Variants in CACNA2D2 observed in about 807,000 individuals in gnomAD.
The protein encoded by CACNA2D2 is voltage-dependent calcium channel subunit alpha-2/delta-2.
A neutral mutation model predicts 166.4 loss-of-function variants in CACNA2D2; 48 were observed. That is an observed-to-expected ratio of 0.29 (90% CI 0.23 to 0.37). The LOEUF is 0.37. Among genes scored for constraint, CACNA2D2 ranks in the 10% least tolerant of loss-of-function variants. The probability of loss-of-function intolerance (pLI) is 1.00; values close to 1 mark genes in which losing one functional copy is unlikely to be tolerated. For synonymous variants in CACNA2D2, 561 were observed against 573.7 expected (o/e 0.98, Z 0.32); for missense variants, 1,122 against 1,433.0 (o/e 0.78, Z 3.50).
intron 2 of CACNA2D2, among the ~76,000 whole-genome samples, chr3:50,442,271 C>A (rs6770669): frequency 0.086 from 13,159 of 152,158 alleles, 1,731 homozygotes; most frequent in African/African-American, 0.28. Flanking sequence ...TCCCCGCCTG[C>A]CTATGCCAGC....
At position 50,364,424 on chromosome 3, in the gene CACNA2D2, A is replaced by C; in HGVS notation, c.*242T>G. The stretch of plus-strand genomic sequence containing the variant: ...CCCACTGGGGGGAGCCCAGCAGGCA[A>C]GAAGGGTCTGGGGACACTTGAACAG... On this transcript the variant is annotated 3_prime_UTR_variant, in exon 38 of 38. Coordinates refer to ENST00000424201, the MANE Select transcript of CACNA2D2 (RefSeq NM_006030.4). 2.0e-6 allele frequency: 1 copy of C among 508,536 alleles called. No individual in the cohort carries two copies. Among genetic ancestry groups the C allele is most frequent in the Non-Finnish European group, 3.4e-6 (1 of 294,278 alleles). The allele number at this position is 508,536 out of a possible 1,614,324, so 31.5% of individuals were successfully genotyped here. A position where few individuals can be genotyped will look rare whatever the true frequency, so the allele number is the denominator to read the frequency against.
intron 1 of CACNA2D2, among the ~76,000 whole-genome samples, chr3:50,500,344 G>A (rs911167213): frequency 6.6e-6 from 1 of 152,164 alleles, no homozygotes; most frequent in Non-Finnish European, 1.5e-5. Context: ...GCTCAGCCGG[G>A]TGCTCCACCC....
chr3:50,422,225 C>T lies in CACNA2D2; in HGVS notation c.405+12088G>A, dbSNP rs1207436402. 2.6e-5 allele frequency among the ~76,000 whole-genome samples: 4 copies of T among 152,288 alleles called. No individual in the cohort carries two copies. The East Asian group carries it at 7.7e-4, about 29-fold the overall frequency. ...TACAAAGGCCTCCACCCTGACCACC[C>T]CACTTCCTGTGGACTGGAGTCTAAC... is the stretch of plus-strand genomic sequence containing the variant. On this transcript the variant is annotated intron_variant, in intron 3 of 37. Transcript: ENST00000424201.
At chr3:50,417,422 T>TG (rs1358181305) in intron 3 of CACNA2D2, among the ~76,000 whole-genome samples, 3 of 152,168 alleles carry the variant, frequency 2.0e-5, no homozygotes, top group Non-Finnish European at 1.5e-5. Flanking sequence ...AAAGGGCACT[T>TG]GGGGGGTCTC....
intron 3 of CACNA2D2, among the ~76,000 whole-genome samples, chr3:50,400,075 T>C (rs1271512614): frequency 1.3e-5 from 2 of 152,264 alleles, no homozygotes; most frequent in East Asian, 3.8e-4. Flanking sequence ...AGATAGATAC[T>C]AAATACAGAT....
In CACNA2D2 at chr3:50,375,477, C is replaced by G. The variant is rs1363620079; in HGVS notation, c.1907+167G>C. Among the ~76,000 whole-genome samples, 2 of 152,190 alleles carry G rather than the reference C, an allele frequency of 1.3e-5. No individual in the cohort carries two copies. The highest frequency in any genetic ancestry group is 2.9e-5 in the Non-Finnish European group (2 of 68,026). On this transcript the variant is annotated intron_variant, in intron 21 of 37. Coordinates refer to ENST00000424201, the MANE Select transcript of CACNA2D2 (RefSeq NM_006030.4). This position sits in a 1 kb window ranked among gnomAD's most constrained non-coding sequence, Gnocchi z 4.0. ...AGACCTGCTGCTTGTTCCTTAAAAG[C>G]CAGGGAGTCTCTTGGCAGACTAAGC...
chr3:50,405,563 G>A (rs1158843591), intron 3 of CACNA2D2, among the ~76,000 whole-genome samples: 1 of 152,204 alleles, frequency 6.6e-6, no homozygotes, highest in South Asian at 2.1e-4. Flanking sequence ...GCATAACCTT[G>A]AGTAATGGTG....
At chr3:50,457,590 A>G (rs1287583745) in intron 2 of CACNA2D2, among the ~76,000 whole-genome samples, 1 of 152,134 alleles carries the variant, frequency 6.6e-6, no homozygotes, top group Non-Finnish European at 1.5e-5. Flanking sequence ...CTCCAGGTCC[A>G]GTCCTTGCCT....
intron 5 of CACNA2D2, among the ~76,000 whole-genome samples, chr3:50,385,970 C>T (rs1301360398): frequency 6.6e-6 from 1 of 151,974 alleles, no homozygotes; most frequent in East Asian, 1.9e-4. Flanking sequence ...TTTTCTTTCC[C>T]CCACCCCCAC....
At chr3:50,370,186 G>C (rs1276202522) in intron 23 of CACNA2D2, 134 bp downstream of exon 23, 1 of 683,422 alleles carries the variant, frequency 1.5e-6, no homozygotes, top group Non-Finnish European at 2.7e-6. Flanking sequence ...CGCGCATACC[G>C]GGCGATGTAT....
intron 2 of CACNA2D2, among the ~76,000 whole-genome samples, chr3:50,450,084 G>A (rs1451042182): frequency 6.6e-6 from 1 of 152,194 alleles, no homozygotes; most frequent in Non-Finnish European, 1.5e-5. Context: ...TGGCCCCCAG[G>A]TCTCAACCAG....
At chr3:50,382,585 A>G (rs1705374625) in intron 6 of CACNA2D2, among the ~76,000 whole-genome samples, 1 of 152,234 alleles carries the variant, frequency 6.6e-6, no homozygotes, top group Admixed American at 6.5e-5. Context: ...CATTTCAAGC[A>G]TTGGCTCTGC....
chr3:50,461,762 AAG>A (rs1431490151), intron 2 of CACNA2D2, among the ~76,000 whole-genome samples: 90 of 112,262 alleles, frequency 8.0e-4, no homozygotes, highest in African/African-American at 2.2e-3. Flanking sequence ...AAAAAAAAAA[AAG>A]AAAAAAAGAA....
intron 1 of CACNA2D2, among the ~76,000 whole-genome samples, chr3:50,492,348 C>A (rs1406498125): frequency 6.6e-6 from 1 of 152,224 alleles, no homozygotes; most frequent in Admixed American, 6.5e-5. Context: ...CTGCCTAGGC[C>A]CTGCCTGAGA....
At position 50,375,501 on chromosome 3, in the gene CACNA2D2, G is replaced by A; in HGVS notation, c.1907+143C>T. On this transcript the variant is annotated intron_variant, in intron 21 of 37. Coordinates refer to ENST00000424201, the MANE Select transcript of CACNA2D2 (RefSeq NM_006030.4). This position sits in a 1 kb window ranked among gnomAD's most constrained non-coding sequence, Gnocchi z 4.0. ...GCCAGGGAGTCTCTTGGCAGACTAA[G>A]CATCTCAGGGTGAGTAGTGAGCAGC... The A allele has an allele frequency of 2.6e-6, 2 of 778,080 alleles. No individual in the cohort carries two copies. Among genetic ancestry groups the A allele is most frequent in the South Asian group, 3.4e-5 (2 of 58,300 alleles). The allele number at this position is 778,080 out of a possible 1,614,324, so 48.2% of individuals were successfully genotyped here. A position where few individuals can be genotyped will look rare whatever the true frequency, so the allele number is the denominator to read the frequency against.
At chr3:50,452,426 T>C (rs1372180260) in intron 2 of CACNA2D2, among the ~76,000 whole-genome samples, 1 of 152,180 alleles carries the variant, frequency 6.6e-6, no homozygotes, top group Non-Finnish European at 1.5e-5. Flanking sequence ...AAAGTGGGCA[T>C]TGTTGTGCTG....
In CACNA2D2 at chr3:50,431,456, A is replaced by G. The variant is rs188775389; in HGVS notation, c.405+2857T>C. On this transcript the variant is annotated intron_variant, in intron 3 of 37. Transcript: ENST00000424201. ...TGGGCTCAGTGCACGCCTCAGGAAT[A>G]ATGTGGGGGAGTCAAGGGGCTGGCT... Among the ~76,000 whole-genome samples, 328 of 152,096 alleles carry G rather than the reference A, an allele frequency of 2.2e-3. 1 individual carries two copies. The highest frequency in any genetic ancestry group is 7.6e-3 in the African/African-American group (317 of 41,510).
At chr3:50,370,102 T>C (rs587685501) in intron 23 of CACNA2D2, among the ~76,000 whole-genome samples, 133 of 152,262 alleles carry the variant, frequency 8.7e-4, no homozygotes, top group African/African-American at 3.1e-3. Context: ...TGCCCCGGCC[T>C]GGTGGGAGCT....
chr3:50,424,500 T>C (rs1036979181), intron 3 of CACNA2D2, among the ~76,000 whole-genome samples: 2 of 152,044 alleles, frequency 1.3e-5, no homozygotes, highest in African/African-American at 4.8e-5. Flanking sequence ...TCCCTTATTC[T>C]CCCTTGCCTA....
Sources: gnomAD v4.1 joint callset for allele counts (sites outside exome capture counted in the v4.1 genomes callset) on GRCh38, gnomAD v4.1.1 for gene constraint, Gnocchi (gnomAD v3.1) non-coding constraint, MANE v1.5 for transcripts, NCBI Gene and HGNC (gene_info 2026-07-23, HGNC 2026-07-21) for gene names.